Variants in CIT observed in about 807,000 individuals in gnomAD.
The protein encoded by CIT is citron Rho-interacting kinase.
CIT carries 79 observed loss-of-function variants against 272.7 expected under a neutral mutation model. The observed-to-expected ratio is 0.29, with a 90% CI of 0.24 to 0.35. The LOEUF (loss-of-function observed/expected upper bound fraction) is 0.35. Ranked by LOEUF, CIT falls within the 10% of genes least tolerant of loss-of-function variation. CIT has a pLI of 1.00. For missense variants in CIT, 1,909 were observed against 2,618.3 expected (o/e 0.73, Z 5.91); for synonymous variants, 948 against 995.6 (o/e 0.95, Z 0.90).
chr12:119,864,625 C>T (rs1223998904), intron 3 of CIT, among the ~76,000 whole-genome samples: 1 of 152,222 alleles, frequency 6.6e-6, no homozygotes, highest in African/African-American at 2.4e-5. Flanking sequence ...TGAGCCACTG[C>T]ACCTGGCCTC....
At chr12:119,849,977 C>T (rs1046397576) in intron 5 of CIT, among the ~76,000 whole-genome samples, 197 bp downstream of exon 5, 1 of 152,180 alleles carries the variant, frequency 6.6e-6, no homozygotes, top group Non-Finnish European at 1.5e-5. Flanking sequence ...TGAGCCACCA[C>T]GTTCAGCCCA....
At chr12:119,749,647 C>T (rs1454361313) in intron 23 of CIT, among the ~76,000 whole-genome samples, 1 of 152,118 alleles carries the variant, frequency 6.6e-6, no homozygotes, top group African/African-American at 2.4e-5. Context: ...TTTGAAGAAG[C>T]CCTGTTTTTT....
At chr12:119,736,998 G>A (rs1386065634) in intron 24 of CIT, among the ~76,000 whole-genome samples, 1 of 152,056 alleles carries the variant, frequency 6.6e-6, no homozygotes, top group East Asian at 1.9e-4. Context: ...TGTGACATGG[G>A]AGTGAACACT....
rs564447434 is a variant in CIT at position 119,712,341 on chromosome 12, G to A, written c.4691C>T (p.Pro1564Leu). 1 of 1,610,078 alleles carries A rather than the reference G, an allele frequency of 6.2e-7. No individual in the cohort carries two copies. The highest frequency in any genetic ancestry group is 8.5e-7 in the Non-Finnish European group (1 of 1,178,016). The change falls in exon 37 of 48, where the codon CCA (proline) becomes CTA (leucine). Residue 1564 changes from proline (P) to leucine (L), a missense_variant. Coordinates refer to ENST00000392521, the MANE Select transcript of CIT (RefSeq NM_001206999.2). The surrounding 1 kb of genome is among the most constrained non-coding windows in gnomAD (Gnocchi z 5.2). ...ELANTAKADV[P>L]YILKMESHPH... ...GTGAGATTCCATCTTCAGTATGTATGGGACATCTAGGAGATTTCAGAGAGC... is the reference window on the plus strand; with the variant it reads ...GTGAGATTCCATCTTCAGTATGTATAGGACATCTAGGAGATTTCAGAGAGC...
intron 10 of CIT, among the ~76,000 whole-genome samples, chr12:119,802,326 G>A (rs984182871): frequency 6.6e-6 from 1 of 152,082 alleles, no homozygotes; most frequent in Admixed American, 6.5e-5. Context: ...GCAAGATACT[G>A]ACCTCCCACA....
At chr12:119,847,852 T>C (rs1417070186) in intron 5 of CIT, among the ~76,000 whole-genome samples, 1 of 151,934 alleles carries the variant, frequency 6.6e-6, no homozygotes, top group Non-Finnish European at 1.5e-5. Context: ...GATTGAGCCA[T>C]TGCACTCCAG....
intron 10 of CIT, among the ~76,000 whole-genome samples, chr12:119,787,294 A>T (rs984770299): frequency 6.6e-6 from 1 of 152,146 alleles, no homozygotes; most frequent in African/African-American, 2.4e-5. Flanking sequence ...AGTCGGGCAT[A>T]GTGGCTCATG....
chr12:119,852,066 G>C (rs967172412), intron 4 of CIT, among the ~76,000 whole-genome samples: 1 of 152,062 alleles, frequency 6.6e-6, no homozygotes, highest in African/African-American at 2.4e-5. Context: ...TCACGAAGGA[G>C]GAAGGAGTAA....
At chr12:119,730,677 A>T in intron 26 of CIT, 47 bp from the exon 27 acceptor site, 2 of 1,575,460 alleles carry the variant, frequency 1.3e-6, no homozygotes, top group Admixed American at 1.8e-5. Flanking sequence ...CCAACAGCTG[A>T]CCTGCGGAAA....
chr12:119,726,800 G>A (rs574130510), intron 28 of CIT, among the ~76,000 whole-genome samples: 15 of 152,324 alleles, frequency 9.8e-5, no homozygotes, highest in Admixed American at 7.2e-4. Context: ...CAGGGCTCTG[G>A]TTGGGGAGTG....
At chr12:119,841,434 C>T (rs999597996) in intron 5 of CIT, among the ~76,000 whole-genome samples, 6 of 152,242 alleles carry the variant, frequency 3.9e-5, no homozygotes, top group Middle Eastern at 3.4e-3. Context: ...CTCGGCCTCC[C>T]AAAGTGCTGA....
chr12:119,850,522 G>A (rs1177921887), intron 4 of CIT, among the ~76,000 whole-genome samples: 1 of 151,298 alleles, frequency 6.6e-6, no homozygotes, highest in African/African-American at 2.4e-5. Flanking sequence ...GGAAGGGGAA[G>A]GGAAGGGAAA....
intron 46 of CIT, among the ~76,000 whole-genome samples, chr12:119,696,989 T>A (rs1956258837): frequency 6.6e-6 from 1 of 152,174 alleles, no homozygotes; most frequent in Non-Finnish European, 1.5e-5. Context: ...ACTGCTTCTT[T>A]ATCAATGGCT....
intron 44 of CIT, chr12:119,699,828 G>A: frequency 2.2e-6 from 1 of 456,098 alleles, no homozygotes; most frequent in Non-Finnish European, 4.4e-6. Context: ...GGCTTGTTAT[G>A]CAGCAAGAGA....
Position 119,718,420 on chromosome 12 carries a change from AC to A in CIT, c.4004-12del, listed in dbSNP as rs764314906. ...CTTTGCGGTGGGCAGCTGCAGAGAG[AC>A]CAGGACAATGCCTTTTGGTTAGCTG... is the stretch of plus-strand genomic sequence containing the variant. On this transcript the variant is annotated splice_polypyrimidine_tract_variant and intron_variant, in intron 31 of 47. Coordinates refer to ENST00000392521, the MANE Select transcript of CIT (RefSeq NM_001206999.2). This position sits in a 1 kb window ranked among gnomAD's most constrained non-coding sequence, Gnocchi z 4.8. 4.4e-6 allele frequency: 7 copies of A among 1,604,650 alleles called. No individual in the cohort carries two copies. The African/African-American group carries it at 9.4e-5, about 21-fold the overall frequency.
At chr12:119,688,443 C>T (rs1955704879) in intron 47 of CIT, among the ~76,000 whole-genome samples, 188 bp from the exon 48 acceptor site, 1 of 152,246 alleles carries the variant, frequency 6.6e-6, no homozygotes, top group African/African-American at 2.4e-5. Flanking sequence ...CTGGAAAATC[C>T]CAAAGCCGTG....
chr12:119,817,469 G>A (rs750584508), intron 9 of CIT, among the ~76,000 whole-genome samples: 4 of 151,904 alleles, frequency 2.6e-5, no homozygotes, highest in Non-Finnish European at 5.9e-5. Flanking sequence ...CCGAGATCAC[G>A]CCACTGCACT....
intron 24 of CIT, among the ~76,000 whole-genome samples, chr12:119,740,411 T>G (rs1017583043): frequency 6.6e-6 from 1 of 152,198 alleles, no homozygotes; most frequent in Non-Finnish European, 1.5e-5. Flanking sequence ...AGGATAAAAT[T>G]TGGATAACCT....
Position 119,726,314 on chromosome 12 carries a change from G to A in CIT, c.3591+2188C>T, listed in dbSNP as rs148685487. 2.3e-4 allele frequency among the ~76,000 whole-genome samples: 34 copies of A among 150,018 alleles called. 1 individual carries two copies. Among genetic ancestry groups the A allele is most frequent in the South Asian group, 8.4e-4 (4 of 4,750 alleles). ...GCTCAATGCAGCCTCAAACACCTGC[G>A]CTCAAGTGATCCTCCCACCTCAGCC... On this transcript the variant is annotated intron_variant, in intron 28 of 47. Transcript: ENST00000392521.
Sources: gnomAD v4.1 joint callset for allele counts (sites outside exome capture counted in the v4.1 genomes callset) on GRCh38, gnomAD v4.1.1 for gene constraint, Gnocchi (gnomAD v3.1) non-coding constraint, MANE v1.5 for transcripts, NCBI Gene and HGNC (gene_info 2026-07-23, HGNC 2026-07-21) for gene names.